The following DTNBP1 variants were observed in gnomAD, a reference collection of about 807,000 sequenced individuals.
The protein encoded by DTNBP1 is dystrobrevin binding protein 1.
A neutral mutation model predicts 42.8 loss-of-function variants in DTNBP1; 35 were observed. That is an observed-to-expected ratio of 0.82 (90% CI 0.63 to 1.09). DTNBP1 has a LOEUF of 1.09. Among genes scored for constraint, DTNBP1 ranks in the 50% least tolerant of loss-of-function variants. The pLI is 0.00. For synonymous variants in DTNBP1, 171 were observed against 162.2 expected (o/e 1.05, Z -0.41); for missense variants, 457 against 424.2 (o/e 1.08, Z -0.68).
At chr6:15,650,577 C>T (rs1295579874) in intron 3 of DTNBP1, among the ~76,000 whole-genome samples, 1 of 152,132 alleles carries the variant, frequency 6.6e-6, no homozygotes, top group East Asian at 1.9e-4. Flanking sequence ...CCACCGCGAC[C>T]GGCCTCATTG....
intron 6 of DTNBP1, among the ~76,000 whole-genome samples, chr6:15,598,650 G>A (rs769574817): frequency 6.9e-6 from 1 of 144,732 alleles, no homozygotes; most frequent in African/African-American, 2.5e-5. Flanking sequence ...GTTGTTTTCC[G>A]GCAGTCCACA....
chr6:15,590,473 T>C (rs1280628064), intron 7 of DTNBP1, among the ~76,000 whole-genome samples: 1 of 152,222 alleles, frequency 6.6e-6, no homozygotes, highest in African/African-American at 2.4e-5. Context: ...CCTCATCCAC[T>C]GGCTCTGCTT....
chr6:15,604,812 T>C (rs1022709727), intron 6 of DTNBP1, among the ~76,000 whole-genome samples: 2 of 152,128 alleles, frequency 1.3e-5, no homozygotes, highest in African/African-American at 4.8e-5. Flanking sequence ...CTATAGTAGA[T>C]ATATAAACAT....
intron 6 of DTNBP1, among the ~76,000 whole-genome samples, chr6:15,611,004 C>T: frequency 6.6e-6 from 1 of 152,208 alleles, no homozygotes; most frequent in East Asian, 1.9e-4. Context: ...AGATTGTCAA[C>T]AGACAAAATA....
intron 6 of DTNBP1, 177 bp downstream of exon 6, chr6:15,615,085 ACTCAT>A: frequency 1.2e-6 from 1 of 869,088 alleles, no homozygotes; most frequent in East Asian, 2.7e-5. Context: ...GTTTTTTATA[ACTCAT>A]CTCCAAAAGA....
At chr6:15,557,178 A>G (rs771686024) in intron 7 of DTNBP1, among the ~76,000 whole-genome samples, 19 of 152,172 alleles carry the variant, frequency 1.2e-4, no homozygotes, top group Non-Finnish European at 2.5e-4. Flanking sequence ...AAACAGTTTT[A>G]CATGTAAGGT....
intron 7 of DTNBP1, among the ~76,000 whole-genome samples, chr6:15,540,721 A>AAGCT (rs1352905385): frequency 2.6e-5 from 4 of 152,232 alleles, no homozygotes; most frequent in African/African-American, 9.6e-5. Context: ...GGCTCACTGC[A>AAGCT]AGCTCTGCCT....
intron 4 of DTNBP1, among the ~76,000 whole-genome samples, chr6:15,636,276 G>A (rs187018853): frequency 2.7e-5 from 4 of 150,700 alleles, no homozygotes; most frequent in East Asian, 1.9e-4. Flanking sequence ...TCAGCCTCCC[G>A]AGTAGTTGGG....
chr6:15,638,921 C>T lies in DTNBP1; in HGVS notation c.162-1117G>A, dbSNP rs1760183473. ...GATCACAGCTCACTGCAGCCTCAAC[C>T]TCTTGGACTCAAGTGATCCACCCAC... On this transcript the variant is annotated intron_variant, in intron 3 of 9. Coordinates refer to ENST00000344537, the MANE Select transcript of DTNBP1 (RefSeq NM_032122.5). Among the ~76,000 whole-genome samples the T allele has an allele frequency of 4.0e-5, 6 of 151,086 alleles. No individual in the cohort carries two copies. The South Asian group carries it at 1.3e-3, about 32-fold the overall frequency.
intron 6 of DTNBP1, among the ~76,000 whole-genome samples, chr6:15,606,971 T>C (rs1317922705): frequency 6.6e-6 from 1 of 152,062 alleles, no homozygotes; most frequent in East Asian, 1.9e-4. Flanking sequence ...AAATTGATTC[T>C]GTGAGCAAGT....
intron 5 of DTNBP1, among the ~76,000 whole-genome samples, chr6:15,620,625 A>C (rs1033241514): frequency 6.6e-6 from 1 of 152,238 alleles, no homozygotes; most frequent in South Asian, 2.1e-4. Context: ...TGTATAAAAC[A>C]CTATCATAGC....
intron 5 of DTNBP1, among the ~76,000 whole-genome samples, chr6:15,620,929 T>C (rs1358907993): frequency 6.6e-6 from 1 of 152,192 alleles, no homozygotes; most frequent in African/African-American, 2.4e-5. Flanking sequence ...TACCTAAACT[T>C]AATACTTGAC....
intron 7 of DTNBP1, among the ~76,000 whole-genome samples, chr6:15,551,765 C>T (rs749290260): frequency 5.9e-5 from 9 of 152,182 alleles, no homozygotes; most frequent in African/African-American, 1.9e-4. Flanking sequence ...ATGGAGTTGG[C>T]GCTCGGCAAC....
rs1192176836 is a variant in DTNBP1 at position 15,637,350 on chromosome 6, C to G, written c.222+394G>C. Among the ~76,000 whole-genome samples, 4 of 152,040 alleles carry G rather than the reference C, an allele frequency of 2.6e-5. No homozygotes were observed. The South Asian group carries it at 6.2e-4, about 24-fold the overall frequency. On this transcript the variant is annotated intron_variant, in intron 4 of 9. Coordinates refer to ENST00000344537, the MANE Select transcript of DTNBP1 (RefSeq NM_032122.5). ...AATTAATAATTTTGGATAGACTGAG[C>G]AAAGTTAAGTTTTTTTGACCAAATA... is the stretch of plus-strand genomic sequence containing the variant.
intron 5 of DTNBP1, among the ~76,000 whole-genome samples, chr6:15,617,878 C>T (rs4715988): frequency 0.55 from 84,145 of 151,818 alleles, 24,149 homozygotes; most frequent in African/African-American, 0.69. Flanking sequence ...ACAAACTAGA[C>T]TGTATCAAAC....
intron 7 of DTNBP1, among the ~76,000 whole-genome samples, chr6:15,537,209 A>G (rs1341979287): frequency 6.6e-6 from 1 of 152,192 alleles, no homozygotes; most frequent in East Asian, 1.9e-4. Flanking sequence ...TCACGAGGTC[A>G]GGAGTTCAAG....
At chr6:15,625,852 G>C (rs1479886624) in intron 5 of DTNBP1, among the ~76,000 whole-genome samples, 3 of 152,216 alleles carry the variant, frequency 2.0e-5, no homozygotes, top group Non-Finnish European at 4.4e-5. Context: ...TAAGAAGAAT[G>C]TTCCGAACAT....
At chr6:15,657,471 T>C (rs1303418768) in intron 1 of DTNBP1, among the ~76,000 whole-genome samples, 1 of 152,224 alleles carries the variant, frequency 6.6e-6, no homozygotes, top group Non-Finnish European at 1.5e-5. Flanking sequence ...CACTGCCTTA[T>C]CTTCTCTCAT....
At chr6:15,586,866 T>A (rs1303773891) in intron 7 of DTNBP1, among the ~76,000 whole-genome samples, 1 of 152,228 alleles carries the variant, frequency 6.6e-6, no homozygotes, top group Non-Finnish European at 1.5e-5. Context: ...GACATGTCCT[T>A]GAAATGTTCT....
Sources: gnomAD v4.1 joint callset for allele counts (sites outside exome capture counted in the v4.1 genomes callset) on GRCh38, gnomAD v4.1.1 for gene constraint, MANE v1.5 for transcripts, NCBI Gene and HGNC (gene_info 2026-07-23, HGNC 2026-07-21) for gene names.